The following AGMO variants were observed in gnomAD, a reference collection of about 807,000 sequenced individuals.
AGMO encodes the protein glyceryl-ether monooxygenase.
A neutral mutation model predicts 60.2 loss-of-function variants in AGMO; 75 were observed. That is an observed-to-expected ratio of 1.25 (90% confidence interval 1.03 to 1.51). AGMO has a LOEUF of 1.51. Ranked by LOEUF, AGMO falls within the 40% of genes most tolerant of loss-of-function variation. The probability of loss-of-function intolerance (pLI) is 0.00; values close to 1 mark genes in which losing one functional copy is unlikely to be tolerated. For synonymous variants in AGMO, 261 were observed against 177.1 expected (o/e 1.47, Z -3.76); for missense variants, 763 against 525.5 (o/e 1.45, Z -4.42).
chr7:15,442,159 A>G (rs1410909871), intron 3 of AGMO, among the ~76,000 whole-genome samples: 1 of 152,228 alleles, frequency 6.6e-6, no homozygotes, highest in African/African-American at 2.4e-5. Context: ...TCCTTTGTGA[A>G]TGATGTCATG....
intron 6 of AGMO, among the ~76,000 whole-genome samples, chr7:15,392,093 G>A (rs1784165894): frequency 6.6e-6 from 1 of 150,382 alleles, no homozygotes; most frequent in Admixed American, 6.6e-5. Context: ...TTTTTGAGAT[G>A]GAGTCTCACT....
the AGMO span, among the ~76,000 whole-genome samples, chr7:15,194,606 A>C: frequency 1.3e-5 from 2 of 152,018 alleles, no homozygotes; most frequent in Non-Finnish European, 2.9e-5. Context: ...ATCTTCCCCC[A>C]CCCTGTGAAT....
chr7:15,183,641 G>C, the AGMO span, among the ~76,000 whole-genome samples: 725 of 152,236 alleles, frequency 4.8e-3, 6 homozygotes, highest in African/African-American at 0.017. Flanking sequence ...CACTCTGTAA[G>C]TCTCAGTTTC....
At chr7:15,153,866 T>C in the AGMO span, among the ~76,000 whole-genome samples, 6,267 of 152,206 alleles carry the variant, frequency 0.041, 426 homozygotes, top group African/African-American at 0.14. Context: ...TTTCTAGTTA[T>C]GTGAAGAATA....
intron 12 of AGMO, among the ~76,000 whole-genome samples, chr7:15,354,248 C>A (rs1230953918): frequency 7.0e-6 from 1 of 143,622 alleles, no homozygotes; most frequent in Non-Finnish European, 1.5e-5. Flanking sequence ...CATTACAGAA[C>A]AGTAAAAAAT....
intron 5 of AGMO, among the ~76,000 whole-genome samples, chr7:15,410,526 T>C (rs957931805): frequency 6.6e-6 from 1 of 151,908 alleles, no homozygotes; most frequent in Admixed American, 6.6e-5. Context: ...CATTTATTCA[T>C]ATTAATAATT....
chr7:15,195,317 T>C (rs914119589), downstream of AGMO, among the ~76,000 whole-genome samples: 1 of 152,022 alleles, frequency 6.6e-6, no homozygotes, highest in Non-Finnish European at 1.5e-5. Flanking sequence ...GAAAAGAGAA[T>C]AGCTTTTTTC....
chr7:15,410,445 G>A (rs73066591), intron 5 of AGMO, among the ~76,000 whole-genome samples: 24,278 of 151,700 alleles, frequency 0.16, 2,040 homozygotes, highest in Non-Finnish European at 0.2. Flanking sequence ...AATTTTTATA[G>A]TTAAGAATGC....
At position 15,474,617 on chromosome 7, in the gene AGMO, C is replaced by T. The variant is rs749294395; in HGVS notation, c.410-43509G>A. ...ACCTAGAATAAAACCTAGGCAACAC[C>T]ATCAAGGACATAGTCATGGACAAAG... On this transcript the variant is annotated intron_variant, in intron 3 of 12. Coordinates refer to ENST00000342526, the MANE Select transcript of AGMO (RefSeq NM_001004320.2). Among the ~76,000 whole-genome samples, 20 of 152,178 alleles carry T rather than the reference C, an allele frequency of 1.3e-4. No homozygotes were observed. In the Middle Eastern group the frequency reaches 0.01, roughly 78 times the overall value.
chr7:15,374,320 T>C (rs1783355983), intron 10 of AGMO, among the ~76,000 whole-genome samples: 1 of 152,114 alleles, frequency 6.6e-6, no homozygotes, highest in African/African-American at 2.4e-5. Flanking sequence ...TGCTAGAATT[T>C]CAAGCAAGAA....
At chr7:15,281,676 A>C (rs1325397586) in intron 12 of AGMO, among the ~76,000 whole-genome samples, 5 of 152,116 alleles carry the variant, frequency 3.3e-5, no homozygotes. Flanking sequence ...GGACAGAGGC[A>C]TTTGCAATAC....
At chr7:15,322,727 T>TAA (rs1781206583) in intron 12 of AGMO, among the ~76,000 whole-genome samples, 1 of 78,750 alleles carries the variant, frequency 1.3e-5, no homozygotes, top group African/African-American at 4.3e-5. Context: ...TATATAAATA[T>TAA]ATATATAAAT....
rs780890547 is a variant in AGMO, at chr7:15,431,042, G to A, written c.476C>T (p.Ala159Val). ...TATCTGGAGGACAGACTGTCTCAGTGCTGTGGATAAGTTATAGTCTTCAGA... is the reference window on the plus strand; with the variant it reads ...TATCTGGAGGACAGACTGTCTCAGTACTGTGGATAAGTTATAGTCTTCAGA... Reference protein sequence around the residue: ...HSSEDYNLSTALRQSVLQIYT... With the variant: ...HSSEDYNLSTVLRQSVLQIYT... The change falls in exon 4 of 13, where the codon GCA becomes GTA. Residue 159 changes from alanine (A) to valine (V), a missense_variant. Ala to Val is a moderately conservative substitution (Grantham distance 64). Coordinates refer to ENST00000342526, the MANE Select transcript of AGMO (RefSeq NM_001004320.2). The A allele has an allele frequency of 9.9e-6, 16 of 1,609,380 alleles. No individual in the cohort carries two copies. The highest frequency in any genetic ancestry group is 1.3e-5 in the African/African-American group (1 of 74,456).
chr7:15,282,624 G>A (rs954929316), intron 12 of AGMO, among the ~76,000 whole-genome samples: 2 of 152,132 alleles, frequency 1.3e-5, no homozygotes, highest in East Asian at 3.8e-4. Context: ...CCAAATAATT[G>A]GTGAGGGAGA....
chr7:15,369,690 G>C lies in AGMO; in HGVS notation c.1075-3468C>G, dbSNP rs370008848. ...TCTATACACGTATATATTTGTTGGT[G>C]CATTCTCTGTTGTCTGTCTCCTCTT... is the stretch of plus-strand genomic sequence containing the variant. On this transcript the variant is annotated intron_variant, in intron 10 of 12. Transcript: ENST00000342526. 2.2e-4 allele frequency among the ~76,000 whole-genome samples: 33 copies of C among 152,152 alleles called. 1 individual carries two copies. The highest frequency in any genetic ancestry group is 7.9e-4 in the African/African-American group (33 of 41,516).
At chr7:15,292,652 T>C (rs1554407526) in intron 12 of AGMO, among the ~76,000 whole-genome samples, 2 of 146,698 alleles carry the variant, frequency 1.4e-5, no homozygotes, top group Non-Finnish European at 1.5e-5. Context: ...ACGGACAAAA[T>C]AAAAAGAAAG....
At chr7:15,462,616 C>A (rs894666148) in intron 3 of AGMO, among the ~76,000 whole-genome samples, 5 of 152,092 alleles carry the variant, frequency 3.3e-5, no homozygotes, top group African/African-American at 1.2e-4. Flanking sequence ...TATATCTGCC[C>A]TAAATCTATC....
At chr7:15,165,102 A>G in the AGMO span, among the ~76,000 whole-genome samples, 1 of 152,164 alleles carries the variant, frequency 6.6e-6, no homozygotes, top group Non-Finnish European at 1.5e-5. Context: ...ATGGAGCGGG[A>G]GGCCATTATT....
chr7:15,450,025 A>G (rs1292532052), intron 3 of AGMO, among the ~76,000 whole-genome samples: 5 of 152,160 alleles, frequency 3.3e-5, no homozygotes, highest in Admixed American at 3.3e-4. Flanking sequence ...TTTTTTTCCA[A>G]TTTAATTTAC....
Sources: gnomAD v4.1 joint callset for allele counts (sites outside exome capture counted in the v4.1 genomes callset) on GRCh38, gnomAD v4.1.1 for gene constraint, MANE v1.5 for transcripts, NCBI Gene and HGNC (gene_info 2026-07-23, HGNC 2026-07-21) for gene names.